The following MGAT1 variants were observed in gnomAD, a reference collection of about 807,000 sequenced individuals.
MGAT1 encodes the protein N-glycosyl-oligosaccharide-glycoprotein N-acetylglucosaminyltransferase I.
In MGAT1, 14 loss-of-function variants were observed where a neutral mutation model predicts 31.7. The ratio of observed to expected loss-of-function variants is 0.44; its 90% CI spans 0.29 to 0.69. MGAT1 has a LOEUF of 0.69. MGAT1 is among the 30% of genes least tolerant of loss of function. The pLI is 0.12. For missense variants in MGAT1, 557 were observed against 626.0 expected, an observed-to-expected ratio of 0.89 and a Z score of 1.18; for synonymous variants, 338 against 276.0, an observed-to-expected ratio of 1.22 and a Z score of -2.23.
chr5:180,791,300 G>A lies in MGAT1; in HGVS notation c.*334C>T, dbSNP rs1768038587. ...TCAGGGAGAAGGGGTCTGGTCAAGAGAGCGAACGTTGCCAAACTCTCTGCA... is the reference window on the plus strand; with the variant it reads ...TCAGGGAGAAGGGGTCTGGTCAAGAAAGCGAACGTTGCCAAACTCTCTGCA... On this transcript the variant is annotated 3_prime_UTR_variant, in exon 2 of 2. Coordinates refer to ENST00000307826, the MANE Select transcript of MGAT1 (RefSeq NM_002406.4). 2.7e-6 allele frequency: 1 copy of A among 374,210 alleles called. No individual in the cohort carries two copies. Among genetic ancestry groups the A allele is most frequent in the African/African-American group, 2.1e-5 (1 of 48,762 alleles). The allele number at this position is 374,210 out of a possible 1,614,324, so 23.2% of individuals were successfully genotyped here. A position where few individuals can be genotyped will look rare whatever the true frequency, so the allele number is the denominator to read the frequency against.
At chr5:180,809,268 CTCA>C (rs911819284) in intron 1 of MGAT1, 16 of 152,228 alleles carry the variant, frequency 1.1e-4, no homozygotes, top group African/African-American at 3.6e-4. Flanking sequence ...ACACAGTCAC[CTCA>C]TCAATAGTGT....
At chr5:180,799,571 C>T (rs4700986) in intron 1 of MGAT1, among the ~76,000 whole-genome samples, 60,376 of 152,046 alleles carry the variant, frequency 0.4, 13,650 homozygotes, top group African/African-American at 0.62. Flanking sequence ...TCTGTGCCCA[C>T]CACAGTGCTT....
At position 180,792,923 on chromosome 5, in the gene MGAT1, AGAG is replaced by A. The variant is rs1561826979; in HGVS notation, c.46_48del (p.Leu16del). On this transcript the variant is annotated inframe_deletion, in exon 2 of 2. Coordinates refer to ENST00000307826, the MANE Select transcript of MGAT1 (RefSeq NM_002406.4). Reference sequence around the variant, plus strand: ...AGCAGCAGGGCATTCCAGGCCACAAAGAGGATAGCGCCCCACAGCACAAGCCCT... The same window carrying A: ...AGCAGCAGGGCATTCCAGGCCACAAAGATAGCGCCCCACAGCACAAGCCCT... The A allele has an allele frequency of 1.2e-6, 2 of 1,613,194 alleles. No homozygotes were observed. The highest frequency in any genetic ancestry group is 1.7e-5 in the Admixed American group (1 of 60,000).
chr5:180,798,491 A>G (rs140644627), intron 1 of MGAT1, among the ~76,000 whole-genome samples: 10 of 152,298 alleles, frequency 6.6e-5, no homozygotes, highest in East Asian at 1.9e-4. Context: ...AGGCCCCCTC[A>G]GCTGCAAGCT....
intron 1 of MGAT1, among the ~76,000 whole-genome samples, chr5:180,812,554 A>ACG (rs2113615121): frequency 6.6e-6 from 1 of 152,224 alleles, no homozygotes; most frequent in African/African-American, 2.4e-5. Flanking sequence ...TTTTATACAC[A>ACG]CGCACACACA....
At chr5:180,799,968 C>A (rs1770373546) in intron 1 of MGAT1, among the ~76,000 whole-genome samples, 1 of 152,290 alleles carries the variant, frequency 6.6e-6, no homozygotes, top group Middle Eastern at 3.4e-3. Context: ...CAGCTGACAG[C>A]CAGCATCAAC....
At position 180,788,906 on chromosome 5, in the gene MGAT1, T is replaced by C. The variant is rs1269517115; in HGVS notation, c.*2728A>G. 2.0e-5 allele frequency: 3 copies of C among 152,286 alleles called. No individual in the cohort carries two copies. Among genetic ancestry groups the C allele is most frequent in the Non-Finnish European group, 4.4e-5 (3 of 68,092 alleles). The allele number at this position is 152,286 out of a possible 1,614,324, so 9.4% of individuals were successfully genotyped here. On this transcript the variant is annotated 3_prime_UTR_variant, in exon 2 of 2. Transcript: ENST00000307826. ...CCTGGAGCACTCAGAACAATGCACT[T>C]GGCTAGCTGCATGACATGCTATGCG...
chr5:180,800,027 T>C (rs1770388821), intron 1 of MGAT1, among the ~76,000 whole-genome samples: 1 of 152,186 alleles, frequency 6.6e-6, no homozygotes, highest in South Asian at 2.1e-4. Flanking sequence ...CCCAGCTGAC[T>C]GCAATGGCGT....
chr5:180,808,615 G>A (rs772943391), intron 2 of MGAT1: 8 of 152,298 alleles, frequency 5.3e-5, no homozygotes, highest in Non-Finnish European at 1.0e-4. Context: ...GGCACAGCAA[G>A]ACATTAAGTG....
At chr5:180,806,194 G>A (rs1388668835), upstream of MGAT1, among the ~76,000 whole-genome samples, 1 of 152,160 alleles carries the variant, frequency 6.6e-6, no homozygotes, top group South Asian at 2.1e-4. Flanking sequence ...GCTGAGGCAG[G>A]GGAATAGCTT....
chr5:180,791,244 G>C lies in MGAT1; in HGVS notation c.*390C>G. 4.3e-6 allele frequency: 1 copy of C among 233,526 alleles called. No individual in the cohort carries two copies. The highest frequency in any genetic ancestry group is 8.4e-6 in the Non-Finnish European group (1 of 119,648). The allele number at this position is 233,526 out of a possible 1,614,324, so 14.5% of individuals were successfully genotyped here. On this transcript the variant is annotated 3_prime_UTR_variant, in exon 2 of 2. Coordinates refer to ENST00000307826, the MANE Select transcript of MGAT1 (RefSeq NM_002406.4). ...GGGGGAAGGGGAGCAGGTATAGAAGGAGGGCTCGTGCCCTGGCTGGAAGAG... is the reference window on the plus strand; with the variant it reads ...GGGGGAAGGGGAGCAGGTATAGAAGCAGGGCTCGTGCCCTGGCTGGAAGAG...
intron 1 of MGAT1, among the ~76,000 whole-genome samples, chr5:180,812,702 G>T (rs1157301401): frequency 6.6e-6 from 1 of 152,166 alleles, no homozygotes; most frequent in African/African-American, 2.4e-5. Context: ...GTAGAAAAAT[G>T]AAATCTAGTT....
chr5:180,793,450 T>TA (rs1056662686), intron 1 of MGAT1, among the ~76,000 whole-genome samples: 1 of 152,106 alleles, frequency 6.6e-6, no homozygotes, highest in African/African-American at 2.4e-5. Context: ...GACTGATTTT[T>TA]AAAATCAAAT....
chr5:180,798,184 T>G (rs890223789), intron 1 of MGAT1, among the ~76,000 whole-genome samples: 3 of 152,198 alleles, frequency 2.0e-5, no homozygotes, highest in Admixed American at 1.3e-4. Flanking sequence ...TGAGCCATGT[T>G]AGGTGTTTAG....
chr5:180,789,608 A>G lies in MGAT1; in HGVS notation c.*2026T>C, dbSNP rs1048065178. On this transcript the variant is annotated 3_prime_UTR_variant, in exon 2 of 2. Coordinates refer to ENST00000307826, the MANE Select transcript of MGAT1 (RefSeq NM_002406.4). ...CAGGGTTTTCAAACCCACTCATGAA[A>G]TCAAGTTCGTGAGTCACAAAAAGCG... 6.7e-6 allele frequency: 1 copy of G among 150,226 alleles called. No homozygotes were observed. The highest frequency in any genetic ancestry group is 6.6e-5 in the Admixed American group (1 of 15,062). The allele number at this position is 150,226 out of a possible 1,614,324, so 9.3% of individuals were successfully genotyped here. A position where few individuals can be genotyped will look rare whatever the true frequency, so the allele number is the denominator to read the frequency against.
intron 1 of MGAT1, among the ~76,000 whole-genome samples, chr5:180,812,805 TCTCTC>T (rs544560346): frequency 4.9e-4 from 75 of 152,262 alleles, no homozygotes; most frequent in Middle Eastern, 3.4e-3. Context: ...CTAATGCCCT[TCTCTC>T]CTTTTCACCA....
intron 1 of MGAT1, among the ~76,000 whole-genome samples, chr5:180,802,369 C>T (rs1561861887): frequency 6.6e-6 from 1 of 152,230 alleles, no homozygotes; most frequent in Non-Finnish European, 1.5e-5. Flanking sequence ...CCACCCCCTC[C>T]CTGCCCCGCA....
chr5:180,796,877 G>GCTGAGCCA lies in MGAT1; in HGVS notation c.-126-3781_-126-3780insTGGCTCAG, dbSNP rs1769508063. ...TCCACCCTCCTCAGCCTCCCAAAGT[G>GCTGAGCCA]CTGGGATTACAGGTGTGAGCCACTG... On this transcript the variant is annotated intron_variant, in intron 1 of 1. Coordinates refer to ENST00000307826, the MANE Select transcript of MGAT1 (RefSeq NM_002406.4). Among the ~76,000 whole-genome samples, 9 of 152,256 alleles carry GCTGAGCCA rather than the reference G, an allele frequency of 5.9e-5. No homozygotes were observed. The South Asian group carries it at 1.9e-3, about 32-fold the overall frequency.
intron 1 of MGAT1, chr5:180,810,669 A>AC (rs778196944): frequency 0.012 from 1,289 of 105,388 alleles, 9 homozygotes; most frequent in African/African-American, 0.018. Context: ...AAAAAGGGTG[A>AC]CCCCCCCCCT....
Sources: allele counts gnomAD v4.1 joint callset (sites outside exome capture counted in the v4.1 genomes callset), GRCh38; gene constraint gnomAD v4.1.1; transcripts MANE v1.5; gene names NCBI Gene and HGNC (gene_info 2026-07-23, HGNC 2026-07-21).